The following LAMTOR2 variants were observed in gnomAD, a reference collection of about 807,000 sequenced individuals.
LAMTOR2 encodes the protein late endosomal/lysosomal adaptor, MAPK and MTOR activator 2, also known as ragulator complex protein LAMTOR2.
A neutral mutation model predicts 15.8 loss-of-function variants in LAMTOR2; 4 were observed. The observed-to-expected ratio is 0.25, with a 90% CI of 0.12 to 0.58. The LOEUF (loss-of-function observed/expected upper bound fraction) is 0.58. Ranked by LOEUF, LAMTOR2 falls within the 20% of genes least tolerant of loss-of-function variation. The pLI, the probability that LAMTOR2 is intolerant of heterozygous loss-of-function variation, is 0.91. For synonymous variants in LAMTOR2, 62 were observed against 64.1 expected (o/e 0.97, Z 0.15); for missense variants, 100 against 161.0 (o/e 0.62, Z 2.05).
rs1198077290 is a variant in LAMTOR2, at chr1:156,054,967, G to A, written c.68+10G>A. Reference sequence around the variant, plus strand: ...GCGTCCAGAGCACCCTGTGAGTGCAGACCACGGACCCGAGCGGCGAGCGCT... The same window carrying A: ...GCGTCCAGAGCACCCTGTGAGTGCAAACCACGGACCCGAGCGGCGAGCGCT... On this transcript the variant is annotated intron_variant, in intron 1 of 3. Coordinates refer to ENST00000368305, the MANE Select transcript of LAMTOR2 (RefSeq NM_014017.4). 1 of 1,610,806 alleles carries A rather than the reference G, an allele frequency of 6.2e-7. No homozygotes were observed.
Position 156,055,467 on chromosome 1 carries a change from G to A in LAMTOR2, c.231+42G>A, listed in dbSNP as rs906359874. 6.2e-7 allele frequency: 1 copy of A among 1,612,420 alleles called. No homozygotes were observed. Among genetic ancestry groups the A allele is most frequent in the Non-Finnish European group, 8.5e-7 (1 of 1,178,780 alleles). ...CAGACTTCCCCTGTCCCCCAAAGGGGATCCCAAGGGGGCGACCTGGACCCC... is the reference window on the plus strand; with the variant it reads ...CAGACTTCCCCTGTCCCCCAAAGGGAATCCCAAGGGGGCGACCTGGACCCC... On this transcript the variant is annotated intron_variant, in intron 2 of 3. Transcript: ENST00000368305. This position sits in a 1 kb window ranked among gnomAD's most constrained non-coding sequence, Gnocchi z 4.8.
At position 156,055,470 on chromosome 1, in the gene LAMTOR2, C is replaced by T; in HGVS notation, c.231+45C>T. On this transcript the variant is annotated intron_variant, in intron 2 of 3. Transcript: ENST00000368305. The surrounding 1 kb of genome is among the most constrained non-coding windows in gnomAD (Gnocchi z 4.8). Reference sequence around the variant, plus strand: ...ACTTCCCCTGTCCCCCAAAGGGGATCCCAAGGGGGCGACCTGGACCCCATC... The same window carrying T: ...ACTTCCCCTGTCCCCCAAAGGGGATTCCAAGGGGGCGACCTGGACCCCATC... 6.2e-7 allele frequency: 1 copy of T among 1,610,018 alleles called. No individual in the cohort carries two copies.
chr1:156,055,001 G>A lies in LAMTOR2; in HGVS notation c.68+44G>A. 1 of 1,583,092 alleles carries A rather than the reference G, an allele frequency of 6.3e-7. No homozygotes were observed. Among genetic ancestry groups the A allele is most frequent in the Non-Finnish European group, 8.6e-7 (1 of 1,158,714 alleles). ...CCCGAGCGGCGAGCGCTGCAGTGGG[G>A]CGGCGCGCGGCTCCCTGAGGGAGGG... is the stretch of plus-strand genomic sequence containing the variant. On this transcript the variant is annotated intron_variant, in intron 1 of 3. Coordinates refer to ENST00000368305, the MANE Select transcript of LAMTOR2 (RefSeq NM_014017.4). The surrounding 1 kb of genome is among the most constrained non-coding windows in gnomAD (Gnocchi z 4.8).
Position 156,055,395 on chromosome 1 carries a change from C to T in LAMTOR2, c.201C>T (p.Asp67=). 6.2e-7 allele frequency: 1 copy of T among 1,614,242 alleles called. No individual in the cohort carries two copies. Among genetic ancestry groups the T allele is most frequent in the African/African-American group, 1.3e-5 (1 of 75,054 alleles). Residue 67 remains aspartate, a synonymous_variant, in exon 2 of 4, where the codon GAC becomes GAT. Transcript: ENST00000368305. This position sits in a 1 kb window ranked among gnomAD's most constrained non-coding sequence, Gnocchi z 4.8. ...ACGGGAACCAAGCGTTTAATGAAGA[C>T]AATCTCAAATTCATCCTCATGGACT... ...DRNGNQAFNE[D]NLKFILMDCM...
At chr1:156,056,676 T>C (rs1647382679) in intron 2 of LAMTOR2, among the ~76,000 whole-genome samples, 1 of 152,098 alleles carries the variant, frequency 6.6e-6, no homozygotes, top group Non-Finnish European at 1.5e-5. Context: ...TAGTAAAAGT[T>C]TGCTGAACTT....
Position 156,055,231 on chromosome 1 carries a change from GCACAT to G in LAMTOR2, c.69-30_69-26del. On this transcript the variant is annotated intron_variant, in intron 1 of 3. Transcript: ENST00000368305. The surrounding 1 kb of genome is among the most constrained non-coding windows in gnomAD (Gnocchi z 4.8). ...CCAGACGTTTTACTCCCCGCTCTGAGCACATCGCTATCCCTCCCCGCCCCTCACCA... is the reference window on the plus strand; with the variant it reads ...CCAGACGTTTTACTCCCCGCTCTGAGCGCTATCCCTCCCCGCCCCTCACCA... The G allele has an allele frequency of 6.2e-7, 1 of 1,612,326 alleles. No individual in the cohort carries two copies. Among genetic ancestry groups the G allele is most frequent in the Non-Finnish European group, 8.5e-7 (1 of 1,179,846 alleles).
chr1:156,057,553 T>C (rs1030136250), intron 2 of LAMTOR2, among the ~76,000 whole-genome samples: 3 of 152,156 alleles, frequency 2.0e-5, no homozygotes, highest in Admixed American at 2.0e-4. Flanking sequence ...TTGAAAAACA[T>C]TACCATGGGA....
At position 156,055,298 on chromosome 1, in the gene LAMTOR2, C is replaced by G; in HGVS notation, c.104C>G (p.Ser35Cys). The G allele has an allele frequency of 6.2e-7, 1 of 1,614,188 alleles. No individual in the cohort carries two copies. The highest frequency in any genetic ancestry group is 1.1e-5 in the South Asian group (1 of 91,090). ...AACGAGGGATCACTGCTGGCCTACT[C>G]TGGTTACGGGGACACTGACGCCCGG... The part of the protein sequence containing the change: ...LNNEGSLLAY[S>C]GYGDTDARVT... Residue 35 changes from serine (S) to cysteine (C), a missense_variant, in exon 2 of 4, where the codon TCT (serine) becomes TGT (cysteine). Transcript: ENST00000368305. This position sits in a 1 kb window ranked among gnomAD's most constrained non-coding sequence, Gnocchi z 4.8.
Position 156,055,778 on chromosome 1 carries a change from G to A in LAMTOR2, c.231+353G>A, listed in dbSNP as rs1647345779. The A allele has an allele frequency of 8.5e-6, 3 of 351,798 alleles. No homozygotes were observed. Among genetic ancestry groups the A allele is most frequent in the Admixed American group, 3.8e-5 (1 of 26,228 alleles). 21.8% of individuals were successfully genotyped at this position (351,798 alleles called of 1,614,324 possible). ...TCATGGGTTGTTGTGAAGGTCAGAT[G>A]AAATAATGGGTATAAACAGTAGAAT... On this transcript the variant is annotated intron_variant, in intron 2 of 3. Coordinates refer to ENST00000368305, the MANE Select transcript of LAMTOR2 (RefSeq NM_014017.4). This position sits in a 1 kb window ranked among gnomAD's most constrained non-coding sequence, Gnocchi z 4.8.
At position 156,058,373 on chromosome 1, in the gene LAMTOR2, G is replaced by A. The variant is rs750232674; in HGVS notation, c.*2G>A. ...CTCACCCAAGTGGCGGCATCTTAAC[G>A]GCATTGGTGGAAGCTGGGGTCAGAA... On this transcript the variant is annotated 3_prime_UTR_variant, in exon 4 of 4. Transcript: ENST00000368305. 49 of 1,613,954 alleles carry A rather than the reference G, an allele frequency of 3.0e-5. No individual in the cohort carries two copies. Among genetic ancestry groups the A allele is most frequent in the Middle Eastern group, 1.6e-4 (1 of 6,082 alleles).
In LAMTOR2 at chr1:156,058,474, G is replaced by T; in HGVS notation, c.*103G>T. Reference sequence around the variant, plus strand: ...GACAATGGGGGGAGGATGGGACTTTGTTTTTTCCAAGAATAAACTTCAACT... The same window carrying T: ...GACAATGGGGGGAGGATGGGACTTTTTTTTTTCCAAGAATAAACTTCAACT... On this transcript the variant is annotated 3_prime_UTR_variant, in exon 4 of 4. Transcript: ENST00000368305. 7.9e-7 allele frequency: 1 copy of T among 1,262,886 alleles called. No homozygotes were observed. 78.2% of individuals were successfully genotyped at this position (1,262,886 alleles called of 1,614,324 possible). A position where few individuals can be genotyped will look rare whatever the true frequency, so the allele number is the denominator to read the frequency against.
rs757168175 is a variant in LAMTOR2 at position 156,054,943 on chromosome 1, C to T, written c.54C>T (p.Gly18=). Residue 18 remains glycine (G), a synonymous_variant, in exon 1 of 4, where the codon GGC becomes GGT. Coordinates refer to ENST00000368305, the MANE Select transcript of LAMTOR2 (RefSeq NM_014017.4). ...TQVLSQANTG[G]VQSTLLLNNE... ...TGCTAAGCCAAGCCAACACTGGAGG[C>T]GTCCAGAGCACCCTGTGAGTGCAGA... 5 of 1,612,468 alleles carry T rather than the reference C, an allele frequency of 3.1e-6. No individual in the cohort carries two copies. Among genetic ancestry groups the T allele is most frequent in the South Asian group, 1.1e-5 (1 of 90,994 alleles).
intron 2 of LAMTOR2, among the ~76,000 whole-genome samples, chr1:156,057,018 A>G (rs1232093073): frequency 6.6e-6 from 1 of 151,962 alleles, no homozygotes; most frequent in Non-Finnish European, 1.5e-5. Flanking sequence ...TCTCTACTAA[A>G]AATACAAAAA....
rs770364103 is a variant in LAMTOR2, at chr1:156,054,884, G to A, written c.-6G>A. ...GTGCAAAAGCCCAGGGTTAGGAACC[G>A]TAGGCATGCTGCGCCCCAAGGCTTT... On this transcript the variant is annotated 5_prime_UTR_variant, in exon 1 of 4. Transcript: ENST00000368305. 6.8e-6 allele frequency: 11 copies of A among 1,612,762 alleles called. No homozygotes were observed. In the South Asian group the frequency reaches 1.2e-4, roughly 18 times the overall value.
chr1:156,057,126 C>T (rs938361512), intron 2 of LAMTOR2, among the ~76,000 whole-genome samples: 19 of 145,928 alleles, frequency 1.3e-4, no homozygotes, highest in African/African-American at 4.4e-4. Flanking sequence ...TGCAGTGAGC[C>T]GAGATCACGC....
chr1:156,055,156 C>A lies in LAMTOR2; in HGVS notation c.69-107C>A. 6.6e-7 allele frequency: 1 copy of A among 1,512,350 alleles called. No individual in the cohort carries two copies. The highest frequency in any genetic ancestry group is 1.1e-5 in the South Asian group (1 of 88,280). The allele number at this position is 1,512,350 out of a possible 1,614,324, so 93.7% of individuals were successfully genotyped here. A position where few individuals can be genotyped will look rare whatever the true frequency, so the allele number is the denominator to read the frequency against. Reference sequence around the variant, plus strand: ...CTTAGGGCATGTTCCGGGACACGCTCAGGCCAGAGCCTTGCTGGATGTGCC... The same window carrying A: ...CTTAGGGCATGTTCCGGGACACGCTAAGGCCAGAGCCTTGCTGGATGTGCC... On this transcript the variant is annotated intron_variant, in intron 1 of 3. Transcript: ENST00000368305. This position sits in a 1 kb window ranked among gnomAD's most constrained non-coding sequence, Gnocchi z 4.8.
At position 156,054,948 on chromosome 1, in the gene LAMTOR2, A is replaced by C; in HGVS notation, c.59A>C (p.Gln20Pro). ...VLSQANTGGV[Q>P]STLLLNNEGS... ...AGCCAAGCCAACACTGGAGGCGTCCAGAGCACCCTGTGAGTGCAGACCACG... is the reference window on the plus strand; with the variant it reads ...AGCCAAGCCAACACTGGAGGCGTCCCGAGCACCCTGTGAGTGCAGACCACG... The change falls in exon 1 of 4, where the codon CAG (glutamine) becomes CCG (proline). Residue 20 changes from glutamine to proline, a missense_variant. Physicochemically the swap from Gln to Pro is moderately conservative, Grantham distance 76. Coordinates refer to ENST00000368305, the MANE Select transcript of LAMTOR2 (RefSeq NM_014017.4). The C allele has an allele frequency of 6.2e-7, 1 of 1,612,438 alleles. No individual in the cohort carries two copies.
chr1:156,057,365 A>T (rs992437864), intron 2 of LAMTOR2, among the ~76,000 whole-genome samples: 6 of 152,092 alleles, frequency 3.9e-5, no homozygotes, highest in Admixed American at 6.6e-5. Flanking sequence ...ATAGGAAAAA[A>T]TTTTTTAAGA....
chr1:156,055,604 G>A lies in LAMTOR2; in HGVS notation c.231+179G>A. Reference sequence around the variant, plus strand: ...CTATTCATCAAGTGGTGGTGAGGAAGGATCCCTGGACCTGAGAGGTCTGAC... The same window carrying A: ...CTATTCATCAAGTGGTGGTGAGGAAAGATCCCTGGACCTGAGAGGTCTGAC... On this transcript the variant is annotated intron_variant, in intron 2 of 3. Transcript: ENST00000368305. This position sits in a 1 kb window ranked among gnomAD's most constrained non-coding sequence, Gnocchi z 4.8. 2.9e-6 allele frequency: 2 copies of A among 701,580 alleles called. No homozygotes were observed. Among genetic ancestry groups the A allele is most frequent in the Non-Finnish European group, 4.8e-6 (2 of 413,458 alleles). The allele number at this position is 701,580 out of a possible 1,614,324, so 43.5% of individuals were successfully genotyped here.
Sources: allele counts gnomAD v4.1 joint callset (sites outside exome capture counted in the v4.1 genomes callset), GRCh38; gene constraint gnomAD v4.1.1; non-coding constraint Gnocchi (gnomAD v3.1); transcripts MANE v1.5; gene names NCBI Gene and HGNC (gene_info 2026-07-23, HGNC 2026-07-21).